RPS24: variants seen among roughly 807,000 people sequenced by gnomAD.
RPS24 encodes small ribosomal subunit protein eS24.
For synonymous variants in RPS24, 72 were observed against 55.6 expected, an observed-to-expected ratio of 1.30 and a Z score of -1.31; for missense variants, 100 against 162.5, an observed-to-expected ratio of 0.62 and a Z score of 2.09.
At chr10:78,041,198 A>G (rs1032722749), downstream of RPS24, among the ~76,000 whole-genome samples, 1 of 152,252 alleles carries the variant, frequency 6.6e-6, no homozygotes, top group Admixed American at 6.5e-5. Context: ...GAGCTGAAAG[A>G]CTTGGTTGGG....
At chr10:78,037,826 G>T in intron 4 of RPS24, 1 of 542,740 alleles carries the variant, frequency 1.8e-6, no homozygotes, top group Non-Finnish European at 2.8e-6. Flanking sequence ...GCTGTAAATA[G>T]TTGGACATTG....
chr10:78,035,370 C>G lies in RPS24; in HGVS notation c.22C>G (p.Arg8Gly). Residue 8 changes from arginine to glycine, a missense_variant, in exon 2 of 6, where the codon CGC becomes GGC. Coordinates refer to ENST00000372360, the MANE Select transcript of RPS24 (RefSeq NM_033022.4). MNDTVTI[R>G]TRKFMTNRLL... ...TTTTCAGAACGACACCGTAACTATC[C>G]GCACTAGAAAGTTCATGACCAACCG... 6.2e-7 allele frequency: 1 copy of G among 1,614,044 alleles called. No homozygotes were observed. Among genetic ancestry groups the G allele is most frequent in the Non-Finnish European group, 8.5e-7 (1 of 1,179,938 alleles).
chr10:78,041,903 G>A (rs1232326770), downstream of RPS24, among the ~76,000 whole-genome samples: 1 of 152,216 alleles, frequency 6.6e-6, no homozygotes, highest in Non-Finnish European at 1.5e-5. Context: ...TCACGAAGTG[G>A]GGAGGCTTTT....
At chr10:78,055,175 A>C (rs1291773480) in exon 5 of RPS24, 15 of 1,189,916 alleles carry the variant, frequency 1.3e-5, no homozygotes, top group Non-Finnish European at 1.1e-6. Flanking sequence ...CAAATGCCAA[A>C]GACCTCCCCA....
chr10:78,041,947 CT>C (rs1220365793), downstream of RPS24, among the ~76,000 whole-genome samples: 1 of 152,230 alleles, frequency 6.6e-6, no homozygotes, highest in Non-Finnish European at 1.5e-5. Flanking sequence ...AAGTTGTAGT[CT>C]TTCAGCCAGT....
chr10:78,041,480 A>G (rs1490182465), downstream of RPS24, among the ~76,000 whole-genome samples: 1 of 152,192 alleles, frequency 6.6e-6, no homozygotes, highest in African/African-American at 2.4e-5. Flanking sequence ...GGAATCTGCT[A>G]CTACTTTGCT....
chr10:78,049,393 G>GA (rs1848077321), intron 4 of RPS24, among the ~76,000 whole-genome samples: 1 of 152,100 alleles, frequency 6.6e-6, no homozygotes, highest in South Asian at 2.1e-4. Context: ...GGGTTTAGAG[G>GA]GTATGTTAGG....
At chr10:78,035,013 A>G (rs529571035) in intron 1 of RPS24, among the ~76,000 whole-genome samples, 3 of 152,316 alleles carry the variant, frequency 2.0e-5, no homozygotes, top group Non-Finnish European at 4.4e-5. Flanking sequence ...TTTTATAGTT[A>G]TTCTAAAACA....
chr10:78,037,917 T>TC, intron 4 of RPS24: 1 of 966,240 alleles, frequency 1.0e-6, no homozygotes, highest in Non-Finnish European at 1.4e-6. Context: ...TTTTTTTTTT[T>TC]TTTTTTTTGC....
At chr10:78,046,529 T>C (rs1386665154) in intron 4 of RPS24, among the ~76,000 whole-genome samples, 1 of 151,838 alleles carries the variant, frequency 6.6e-6, no homozygotes, top group Non-Finnish European at 1.5e-5. Context: ...TGGCTAATTT[T>C]TGTATAGTAG....
chr10:78,043,231 C>T (rs993766718), downstream of RPS24, among the ~76,000 whole-genome samples: 9 of 152,136 alleles, frequency 5.9e-5, no homozygotes, highest in Non-Finnish European at 1.2e-4. Context: ...TCTCGATCTC[C>T]TGACCTTGTG....
chr10:78,043,776 G>T (rs1418761491), downstream of RPS24, among the ~76,000 whole-genome samples: 1 of 152,166 alleles, frequency 6.6e-6, no homozygotes, highest in Non-Finnish European at 1.5e-5. Flanking sequence ...GCTGGGTCTT[G>T]GAAGGCTTCC....
intron 1 of RPS24, 68 bp from the exon 2 acceptor site, chr10:78,035,284 T>C (rs1847838392): frequency 2.7e-6 from 4 of 1,483,454 alleles, no homozygotes; most frequent in Admixed American, 1.7e-5. Context: ...ATTCTAGGTC[T>C]TGGAAAATCA....
chr10:78,034,017 C>A, intron 1 of RPS24, 113 bp downstream of exon 1: 1 of 1,344,530 alleles, frequency 7.4e-7, no homozygotes, highest in Non-Finnish European at 1.1e-6. Context: ...CTTCTCTGGC[C>A]GTTTCTGTCA....
chr10:78,037,702 G>A (rs1041997316), intron 4 of RPS24: 9 of 338,890 alleles, frequency 2.7e-5, no homozygotes, highest in African/African-American at 6.5e-5. Flanking sequence ...GATCAATGTG[G>A]CCCGTGTTTT....
At chr10:78,055,326 G>T (rs1297406772) in exon 5 of RPS24, 3 of 285,420 alleles carry the variant, frequency 1.1e-5, no homozygotes, top group African/African-American at 2.2e-5. Flanking sequence ...CTTGTTTATT[G>T]GTATTTTCCC....
At chr10:78,054,755 C>G in exon 5 of RPS24, 2 of 1,551,676 alleles carry the variant, frequency 1.3e-6, no homozygotes, top group Non-Finnish European at 1.7e-6. Flanking sequence ...GAGAACAGTG[C>G]TGCCAGGCGT....
intron 4 of RPS24, among the ~76,000 whole-genome samples, chr10:78,052,305 T>G (rs1158653863): frequency 6.6e-6 from 1 of 152,020 alleles, no homozygotes; most frequent in Non-Finnish European, 1.5e-5. Flanking sequence ...GGATTACAGG[T>G]GACCGCCACC....
exon 5 of RPS24, chr10:78,055,185 A>C: frequency 3.7e-6 from 4 of 1,078,984 alleles, no homozygotes; most frequent in Non-Finnish European, 4.8e-6. Flanking sequence ...AGACCTCCCC[A>C]CGCCCCCACA....
Sources: gnomAD v4.1 joint callset for allele counts (sites outside exome capture counted in the v4.1 genomes callset) on GRCh38, gnomAD v4.1.1 for gene constraint, MANE v1.5 for transcripts, NCBI Gene and HGNC (gene_info 2026-07-23, HGNC 2026-07-21) for gene names.